Variants in AIG1 observed in about 807,000 individuals in gnomAD.
The protein encoded by AIG1 is androgen-induced gene 1 protein.
A neutral mutation model predicts 31.4 loss-of-function variants in AIG1; 23 were observed. The ratio of observed to expected loss-of-function variants is 0.73; its 90% CI spans 0.53 to 1.04. The LOEUF (loss-of-function observed/expected upper bound fraction) is 1.04. Ranked by LOEUF, AIG1 falls within the 50% of genes least tolerant of loss-of-function variation. The probability of loss-of-function intolerance (pLI) is 0.00; values close to 1 mark genes in which losing one functional copy is unlikely to be tolerated. For synonymous variants in AIG1, 100 were observed against 110.5 expected, an observed-to-expected ratio of 0.90 and a Z score of 0.60; for missense variants, 274 against 295.0, an observed-to-expected ratio of 0.93 and a Z score of 0.52.
chr6:143,120,804 C>T (rs1782174082), intron 1 of AIG1, among the ~76,000 whole-genome samples: 2 of 152,226 alleles, frequency 1.3e-5, no homozygotes, highest in African/African-American at 2.4e-5. Context: ...TAAACTGGCC[C>T]CAAAACTGGC....
At chr6:143,289,657 A>T (rs1416468228) in intron 4 of AIG1, among the ~76,000 whole-genome samples, 6 of 152,068 alleles carry the variant, frequency 3.9e-5, no homozygotes, top group Non-Finnish European at 8.8e-5. Flanking sequence ...ATTTTGGATG[A>T]TTTTTTTGGC....
At chr6:143,277,389 C>T (rs1354211118) in intron 3 of AIG1, among the ~76,000 whole-genome samples, 1 of 152,156 alleles carries the variant, frequency 6.6e-6, no homozygotes, top group African/African-American at 2.4e-5. Flanking sequence ...GTAGGCAAGT[C>T]CAGTCACATC....
In AIG1 at chr6:143,299,095, G is replaced by T. The variant is rs1181514790; in HGVS notation, c.515+14870G>T. On this transcript the variant is annotated intron_variant, in intron 4 of 5. Transcript: ENST00000357847. This position sits in a 1 kb window ranked among gnomAD's most constrained non-coding sequence, Gnocchi z 4.1. ...CATACCTGAGGAGGATGGCTGAAAA[G>T]AACTTCTGGGTCTATGACTCTCTCC... 1.3e-5 allele frequency: 2 copies of T among 152,224 alleles called. No individual in the cohort carries two copies. The highest frequency in any genetic ancestry group is 1.3e-4 in the Admixed American group (2 of 15,264). 9.4% of individuals were successfully genotyped at this position (152,224 alleles called of 1,614,324 possible).
intron 1 of AIG1, among the ~76,000 whole-genome samples, chr6:143,092,820 C>T (rs951576241): frequency 4.6e-5 from 7 of 152,140 alleles, no homozygotes; most frequent in African/African-American, 9.6e-5. Flanking sequence ...GAGTCTGAGG[C>T]GGGAGGATTG....
intron 1 of AIG1, among the ~76,000 whole-genome samples, chr6:143,090,863 T>C (rs918344696): frequency 9.9e-5 from 15 of 152,084 alleles, no homozygotes; most frequent in African/African-American, 3.6e-4. Flanking sequence ...GATTGACTTG[T>C]CCTTTCATGA....
intron 4 of AIG1, among the ~76,000 whole-genome samples, chr6:143,300,853 G>C (rs1414354448): frequency 6.6e-6 from 1 of 152,182 alleles, no homozygotes; most frequent in African/African-American, 2.4e-5. Context: ...AAGAATAAAT[G>C]TCTGACACAT....
Position 143,330,192 on chromosome 6 carries a change from G to A in AIG1, c.516-3090G>A, listed in dbSNP as rs1776958173. On this transcript the variant is annotated intron_variant, in intron 4 of 5. Coordinates refer to ENST00000357847, the MANE Select transcript of AIG1 (RefSeq NM_016108.4). The surrounding 1 kb of genome is among the most constrained non-coding windows in gnomAD (Gnocchi z 4.4). ...CAGAATACAGCAATGAACATAATTGGACAAAATTCCTTTGCTCATTGAATA... is the reference window on the plus strand; with the variant it reads ...CAGAATACAGCAATGAACATAATTGAACAAAATTCCTTTGCTCATTGAATA... Among the ~76,000 whole-genome samples the A allele has an allele frequency of 6.6e-6, 1 of 152,074 alleles. No homozygotes were observed. The highest frequency in any genetic ancestry group is 2.1e-4 in the South Asian group (1 of 4,816).
At chr6:143,332,555 C>T (rs1386983933) in intron 4 of AIG1, among the ~76,000 whole-genome samples, 1 of 152,150 alleles carries the variant, frequency 6.6e-6, no homozygotes, top group Non-Finnish European at 1.5e-5. Context: ...GAGTGGGAAG[C>T]TGGTACCTGC....
chr6:143,144,708 T>C (rs1784569643), intron 2 of AIG1, among the ~76,000 whole-genome samples: 1 of 152,252 alleles, frequency 6.6e-6, no homozygotes, highest in Non-Finnish European at 1.5e-5. Context: ...CTATATGAAT[T>C]AGCCTCTCAT....
intron 3 of AIG1, among the ~76,000 whole-genome samples, chr6:143,192,268 A>G (rs1332471494): frequency 6.6e-6 from 1 of 152,212 alleles, no homozygotes; most frequent in Non-Finnish European, 1.5e-5. Context: ...CTAAAAAGCC[A>G]CATCCTTAGA....
chr6:143,156,544 T>A (rs903470052), intron 2 of AIG1, among the ~76,000 whole-genome samples: 1 of 152,246 alleles, frequency 6.6e-6, no homozygotes, highest in Non-Finnish European at 1.5e-5. Flanking sequence ...GATTTATTTA[T>A]TACAAATATG....
intron 1 of AIG1, among the ~76,000 whole-genome samples, chr6:143,068,815 C>T (rs539480054): frequency 1.5e-4 from 23 of 152,108 alleles, no homozygotes; most frequent in South Asian, 1.0e-3. Flanking sequence ...TGTGTTCATA[C>T]GTATGTAGTC....
chr6:143,298,289 C>T lies in AIG1; in HGVS notation c.515+14064C>T, dbSNP rs1263980641. ...AAAGAAATTGTCAGTCAGCCAAAGA[C>T]CCATCACATCAGGCCAAGTGCCTTC... On this transcript the variant is annotated intron_variant, in intron 4 of 5. Coordinates refer to ENST00000357847, the MANE Select transcript of AIG1 (RefSeq NM_016108.4). This position sits in a 1 kb window ranked among gnomAD's most constrained non-coding sequence, Gnocchi z 5.1. 6.6e-6 allele frequency among the ~76,000 whole-genome samples: 1 copy of T among 152,162 alleles called. No homozygotes were observed. Among genetic ancestry groups the T allele is most frequent in the African/African-American group, 2.4e-5 (1 of 41,430 alleles).
intron 3 of AIG1, chr6:143,188,423 C>T (rs1789475562): frequency 6.1e-6 from 6 of 985,302 alleles, no homozygotes; most frequent in Admixed American, 6.2e-5. Flanking sequence ...CTCTGGATAA[C>T]ATGAAGCTGT....
At chr6:143,227,398 C>G (rs530467037) in intron 3 of AIG1, among the ~76,000 whole-genome samples, 1 of 152,262 alleles carries the variant, frequency 6.6e-6, no homozygotes, top group African/African-American at 2.4e-5. Flanking sequence ...CTCCTTCATC[C>G]CCATTTGGCC....
chr6:143,127,848 C>T (rs993424564), intron 1 of AIG1, among the ~76,000 whole-genome samples: 1 of 152,076 alleles, frequency 6.6e-6, no homozygotes, highest in African/African-American at 2.4e-5. Flanking sequence ...CCACCACGCC[C>T]AGCTACCTTT....
chr6:143,203,685 G>A (rs779740962), intron 3 of AIG1, among the ~76,000 whole-genome samples: 13 of 152,278 alleles, frequency 8.5e-5, no homozygotes, highest in Admixed American at 5.2e-4. Flanking sequence ...GTTTCTCACA[G>A]TCTCAGATAT....
In AIG1 at chr6:143,288,315, A is replaced by G. The variant is rs1203439219; in HGVS notation, c.515+4090A>G. The stretch of plus-strand genomic sequence containing the variant: ...AGGAGTCTTCTTCCAGCCCCTGGCT[A>G]TTCTCCCTCCTTCAGGGGTTTCTCA... On this transcript the variant is annotated intron_variant, in intron 4 of 5. Coordinates refer to ENST00000357847, the MANE Select transcript of AIG1 (RefSeq NM_016108.4). The surrounding 1 kb of genome is among the most constrained non-coding windows in gnomAD (Gnocchi z 4.4). 6.6e-6 allele frequency among the ~76,000 whole-genome samples: 1 copy of G among 152,134 alleles called. No individual in the cohort carries two copies. Among genetic ancestry groups the G allele is most frequent in the Non-Finnish European group, 1.5e-5 (1 of 68,038 alleles).
At chr6:143,278,458 T>C (rs1279443045) in intron 3 of AIG1, among the ~76,000 whole-genome samples, 1 of 151,672 alleles carries the variant, frequency 6.6e-6, no homozygotes, top group Non-Finnish European at 1.5e-5. Context: ...ATATCTTTTT[T>C]CTTTTCTTTT....
Sources: gnomAD v4.1 joint callset for allele counts (sites outside exome capture counted in the v4.1 genomes callset) on GRCh38, gnomAD v4.1.1 for gene constraint, Gnocchi (gnomAD v3.1) non-coding constraint, MANE v1.5 for transcripts, NCBI Gene and HGNC (gene_info 2026-07-23, HGNC 2026-07-21) for gene names.